DIP2C: variants seen among roughly 807,000 people sequenced by gnomAD.
DIP2C encodes DIP2 acetate--CoA ligase C (putative).
DIP2C carries 33 observed loss-of-function variants against 192.4 expected under a neutral mutation model. The observed-to-expected ratio is 0.17, with a 90% CI of 0.13 to 0.23. The LOEUF (loss-of-function observed/expected upper bound fraction) is 0.23. Ranked by LOEUF, DIP2C falls within the 10% of genes least tolerant of loss-of-function variation. The pLI is 1.00. For missense variants in DIP2C, 1,537 were observed against 2,110.1 expected, an observed-to-expected ratio of 0.73 and a Z score of 5.32; for synonymous variants, 979 against 864.1, an observed-to-expected ratio of 1.13 and a Z score of -2.33.
chr10:398,975 G>C, intron 10 of DIP2C, 134 bp downstream of exon 10: 1 of 699,642 alleles, frequency 1.4e-6, no homozygotes. Flanking sequence ...ACTAGCGACC[G>C]CATCCCTTAT....
At chr10:501,609 C>T (rs1845232765) in intron 1 of DIP2C, among the ~76,000 whole-genome samples, 1 of 151,968 alleles carries the variant, frequency 6.6e-6, no homozygotes, top group African/African-American at 2.4e-5. Context: ...AATCAAAGTG[C>T]AAAACCGATC....
Position 367,480 on chromosome 10 carries a change from T to TA in DIP2C, c.2132-1070dup, listed in dbSNP as rs1960415616. 2.0e-5 allele frequency among the ~76,000 whole-genome samples: 3 copies of TA among 150,774 alleles called. No homozygotes were observed. In the South Asian group the frequency reaches 6.3e-4, roughly 32 times the overall value. ...AAAGATTCTTCACCCATCAGATTGG[T>TA]AAAAACAAAAGTCAGGTAACACGGT... On this transcript the variant is annotated intron_variant, in intron 18 of 36. Coordinates refer to ENST00000280886, the MANE Select transcript of DIP2C (RefSeq NM_014974.3).
intron 35 of DIP2C, among the ~76,000 whole-genome samples, chr10:281,706 G>A (rs1954836360): frequency 6.6e-6 from 1 of 152,228 alleles, no homozygotes; most frequent in Non-Finnish European, 1.5e-5. Context: ...GTCTGCCCAA[G>A]ATCACACGGG....
chr10:665,141 A>G (rs1238152551), intron 1 of DIP2C: 1 of 152,222 alleles, frequency 6.6e-6, no homozygotes, highest in Non-Finnish European at 1.5e-5. Flanking sequence ...TTCCTGAATA[A>G]AACAGAAAAT....
At chr10:417,971 G>A (rs71494911) in intron 6 of DIP2C, among the ~76,000 whole-genome samples, 1,803 of 44,274 alleles carry the variant, frequency 0.041, 110 homozygotes, top group Non-Finnish European at 0.051. Context: ...CACCTGTCAG[G>A]GCTCGGATAG....
intron 1 of DIP2C, among the ~76,000 whole-genome samples, chr10:573,701 C>T (rs895010311): frequency 2.1e-5 from 3 of 146,082 alleles, no homozygotes; most frequent in South Asian, 2.1e-4. Flanking sequence ...TGAGCCATCA[C>T]GCCGGCTTTT....
intron 1 of DIP2C, among the ~76,000 whole-genome samples, chr10:620,903 C>T (rs936774665): frequency 2.0e-5 from 3 of 152,200 alleles, no homozygotes; most frequent in Admixed American, 6.5e-5. Context: ...CTAAATCTGT[C>T]GGCTGGAGTA....
intron 1 of DIP2C, among the ~76,000 whole-genome samples, chr10:578,813 G>A (rs1282363818): frequency 1.4e-5 from 2 of 143,172 alleles, no homozygotes; most frequent in Non-Finnish European, 1.5e-5. Flanking sequence ...ATGTGTGCAT[G>A]CATAGAGAGC....
chr10:479,357 T>G (rs1843416994), intron 2 of DIP2C, among the ~76,000 whole-genome samples: 1 of 129,926 alleles, frequency 7.7e-6, no homozygotes, highest in Admixed American at 8.4e-5. Context: ...TTTTTTAAGA[T>G]GGAGTCTTGT....
chr10:568,765 C>CAAT (rs1849594130), intron 1 of DIP2C, among the ~76,000 whole-genome samples: 1 of 37,862 alleles, frequency 2.6e-5, no homozygotes, highest in Non-Finnish European at 4.7e-5. Context: ...AACTCCGTCT[C>CAAT]AAAAAAAAAA....
intron 1 of DIP2C, among the ~76,000 whole-genome samples, chr10:675,406 A>C (rs1199723194): frequency 6.6e-6 from 1 of 152,138 alleles, no homozygotes; most frequent in African/African-American, 2.4e-5. Flanking sequence ...TCAAATCCAA[A>C]AGTGGTAGGA....
chr10:328,566 T>C (rs1422816433), intron 30 of DIP2C, among the ~76,000 whole-genome samples: 1 of 149,874 alleles, frequency 6.7e-6, no homozygotes, highest in Non-Finnish European at 1.5e-5. Flanking sequence ...ACAATATAGA[T>C]GAACATGAAT....
chr10:349,459 G>A lies in DIP2C; in HGVS notation c.2986-5C>T, dbSNP rs1318965264. 16 of 1,598,968 alleles carry A rather than the reference G, an allele frequency of 1.0e-5. No individual in the cohort carries two copies. Among genetic ancestry groups the A allele is most frequent in the Middle Eastern group, 1.7e-4 (1 of 6,052 alleles). On this transcript the variant is annotated splice_polypyrimidine_tract_variant and splice_region_variant and intron_variant, in intron 24 of 36. Coordinates refer to ENST00000280886, the MANE Select transcript of DIP2C (RefSeq NM_014974.3). ...CAGCGAGTTCGCTATCGCACCCTGCGGGCCGATCACAGGGACAAGCACATA... is the reference window on the plus strand; with the variant it reads ...CAGCGAGTTCGCTATCGCACCCTGCAGGCCGATCACAGGGACAAGCACATA...
rs577965717 is a variant in DIP2C at position 390,467 on chromosome 10, C to CA, written c.1385-95dup. The CA allele has an allele frequency of 2.5e-4, 310 of 1,250,678 alleles. 8 individuals are homozygous for CA. The South Asian group carries it at 3.7e-3, about 15-fold the overall frequency. 77.5% of individuals were successfully genotyped at this position (1,250,678 alleles called of 1,614,324 possible). A position where few individuals can be genotyped will look rare whatever the true frequency, so the allele number is the denominator to read the frequency against. On this transcript the variant is annotated intron_variant, in intron 11 of 36. Transcript: ENST00000280886. ...TTATGTGGTACCCTTTCAAACACGT[C>CA]AACTAGATCGAATCTCTGGTGTCTC...
chr10:452,101 A>G (rs1030045400), intron 3 of DIP2C, among the ~76,000 whole-genome samples: 1 of 152,166 alleles, frequency 6.6e-6, no homozygotes, highest in African/African-American at 2.4e-5. Flanking sequence ...AGCAGGAGGG[A>G]AGCATGGGGA....
intron 31 of DIP2C, chr10:311,639 C>T (rs1435649207): frequency 3.4e-6 from 4 of 1,179,864 alleles, no homozygotes; most frequent in Non-Finnish European, 3.2e-6. Context: ...ACACACAACA[C>T]ACACAGACAC....
At chr10:348,605 G>C in intron 26 of DIP2C, 36 bp downstream of exon 26, 1 of 1,604,808 alleles carries the variant, frequency 6.2e-7, no homozygotes, top group Non-Finnish European at 8.5e-7. Flanking sequence ...CTCAGCTCCA[G>C]GCAGGTGGAG....
intron 30 of DIP2C, among the ~76,000 whole-genome samples, chr10:327,963 G>A (rs1414668581): frequency 6.6e-6 from 1 of 152,212 alleles, no homozygotes; most frequent in Non-Finnish European, 1.5e-5. Context: ...CAGAGGGAAA[G>A]TAAGGGAGCG....
rs776178210 is a variant in DIP2C at position 366,399 on chromosome 10, G to A, written c.2144C>T (p.Ser715Leu). The change falls in exon 19 of 37, where the codon TCA (serine) becomes TTA (leucine). Residue 715 changes from serine (S) to leucine (L), a missense_variant. Transcript: ENST00000280886. ...GLVMPGAIMC[S>L]VKPDGVPQLC... ...CTGAGGAACCCCGTCTGGCTTCACTGAACACATGATGGCTAAAAGCAAACA... is the reference window on the plus strand; with the variant it reads ...CTGAGGAACCCCGTCTGGCTTCACTAAACACATGATGGCTAAAAGCAAACA... 2.5e-6 allele frequency: 4 copies of A among 1,614,214 alleles called. No homozygotes were observed. The highest frequency in any genetic ancestry group is 3.4e-6 in the Non-Finnish European group (4 of 1,180,048).
Sources: allele counts gnomAD v4.1 joint callset (sites outside exome capture counted in the v4.1 genomes callset), GRCh38; gene constraint gnomAD v4.1.1; transcripts MANE v1.5; gene names NCBI Gene and HGNC (gene_info 2026-07-23, HGNC 2026-07-21).